IFT74: variants seen among roughly 807,000 people sequenced by gnomAD.
IFT74 encodes intraflagellar transport protein 74 homolog.
Under a neutral mutation model 96.7 loss-of-function variants are expected in IFT74, and 92 were observed. That is an observed-to-expected ratio of 0.95 (90% CI 0.80 to 1.13). The LOEUF is 1.13. Ranked by LOEUF, IFT74 falls within the 50% of genes most tolerant of loss-of-function variation. The pLI is 0.00. For synonymous variants in IFT74, 223 were observed against 213.2 expected, an observed-to-expected ratio of 1.05 and a Z score of -0.40; for missense variants, 811 against 698.2, an observed-to-expected ratio of 1.16 and a Z score of -1.82.
chr9:27,018,098 T>C (rs1312877585), intron 11 of IFT74, among the ~76,000 whole-genome samples: 1 of 152,200 alleles, frequency 6.6e-6, no homozygotes, highest in African/African-American at 2.4e-5. Flanking sequence ...GATCTTGAGG[T>C]ACGCCTACCA....
rs1314257358 is a variant in IFT74, at chr9:27,047,480, T to A, written c.1206+109T>A. 5.7e-5 allele frequency: 34 copies of A among 597,386 alleles called. No individual in the cohort carries two copies. The East Asian group carries it at 1.1e-3, about 19-fold the overall frequency. 37.0% of individuals were successfully genotyped at this position (597,386 alleles called of 1,614,324 possible). A position where few individuals can be genotyped will look rare whatever the true frequency, so the allele number is the denominator to read the frequency against. On this transcript the variant is annotated intron_variant, in intron 15 of 19. Transcript: ENST00000380062. ...TCACTATTGTATCTTCTCATTTAACTGCTTCCTTTCAATTCCCTTACTTGT... is the reference window on the plus strand; with the variant it reads ...TCACTATTGTATCTTCTCATTTAACAGCTTCCTTTCAATTCCCTTACTTGT...
chr9:27,005,424 A>G (rs1046895674), intron 8 of IFT74, among the ~76,000 whole-genome samples: 4 of 127,496 alleles, frequency 3.1e-5, no homozygotes, highest in African/African-American at 9.0e-5. Flanking sequence ...CCCTTTGGCC[A>G]TGTCTCAGGT....
intron 6 of IFT74, among the ~76,000 whole-genome samples, chr9:26,988,084 C>T (rs1827711402): frequency 6.6e-6 from 1 of 152,010 alleles, no homozygotes; most frequent in African/African-American, 2.4e-5. Context: ...TCTCTAGTAG[C>T]TGGGATTACA....
intron 2 of IFT74, among the ~76,000 whole-genome samples, chr9:26,969,282 A>T (rs1055833422): frequency 6.6e-6 from 1 of 151,828 alleles, no homozygotes; most frequent in East Asian, 1.9e-4. Flanking sequence ...TATATTTAGG[A>T]TTGTTGTATC....
chr9:27,011,124 G>T (rs747235721), intron 9 of IFT74, among the ~76,000 whole-genome samples: 1 of 152,110 alleles, frequency 6.6e-6, no homozygotes, highest in South Asian at 2.1e-4. Flanking sequence ...ATGGTAGCAG[G>T]CCCCTGTAAT....
chr9:26,970,680 C>T (rs983596683), intron 2 of IFT74, among the ~76,000 whole-genome samples: 9 of 152,204 alleles, frequency 5.9e-5, no homozygotes, highest in African/African-American at 2.2e-4. Context: ...AAAGATCACT[C>T]GGGTTAACCC....
upstream of IFT74, among the ~76,000 whole-genome samples, chr9:26,952,645 C>T (rs1409315149): frequency 1.3e-5 from 2 of 152,194 alleles, no homozygotes; most frequent in Non-Finnish European, 2.9e-5. Context: ...GTAAAGGATG[C>T]ACATTTTCAA....
intron 12 of IFT74, among the ~76,000 whole-genome samples, chr9:27,021,916 C>G (rs1375600335): frequency 6.6e-6 from 1 of 152,126 alleles, no homozygotes; most frequent in African/African-American, 2.4e-5. Flanking sequence ...ATGCCGATGT[C>G]TAGAAGAGTT....
intron 2 of IFT74, among the ~76,000 whole-genome samples, chr9:26,965,398 T>A (rs1004567621): frequency 7.2e-5 from 11 of 152,104 alleles, no homozygotes; most frequent in Admixed American, 3.9e-4. Flanking sequence ...GGAATAATTT[T>A]GTTAAAGTCA....
chr9:26,947,202 G>C (rs991453122), intron 1 of IFT74: 5 of 847,624 alleles, frequency 5.9e-6, no homozygotes, highest in African/African-American at 3.6e-5. Context: ...AGGGCGGCTG[G>C]GAAGGGGCGC....
chr9:26,957,756 A>G (rs1826177815), intron 1 of IFT74, among the ~76,000 whole-genome samples: 1 of 152,188 alleles, frequency 6.6e-6, no homozygotes, highest in African/African-American at 2.4e-5. Flanking sequence ...CATAGAGTGT[A>G]GAAACAGAGA....
intron 4 of IFT74, among the ~76,000 whole-genome samples, chr9:26,981,165 T>G (rs1049488509): frequency 9.9e-5 from 15 of 152,196 alleles, no homozygotes; most frequent in African/African-American, 3.6e-4. Flanking sequence ...AGTCCCTACC[T>G]CTTAATACTA....
chr9:26,985,668 A>G (rs1324279846), intron 6 of IFT74, among the ~76,000 whole-genome samples: 2 of 152,100 alleles, frequency 1.3e-5, no homozygotes, highest in Non-Finnish European at 2.9e-5. Context: ...TTTTTTGTAA[A>G]ATACGTTTAC....
intron 8 of IFT74, chr9:26,995,493 T>C (rs1354913541): frequency 7.4e-7 from 1 of 1,349,946 alleles, no homozygotes; most frequent in Non-Finnish European, 1.0e-6. Flanking sequence ...CTGATAACTT[T>C]GCTTTAAAAA....
intron 2 of IFT74, among the ~76,000 whole-genome samples, chr9:26,969,176 A>G (rs936457147): frequency 6.6e-5 from 10 of 152,074 alleles, no homozygotes; most frequent in African/African-American, 2.4e-4. Flanking sequence ...CCCACTGGTC[A>G]TTCAGGAACA....
intron 18 of IFT74, among the ~76,000 whole-genome samples, chr9:27,058,531 G>A (rs538590443): frequency 5.9e-4 from 90 of 152,184 alleles, no homozygotes; most frequent in African/African-American, 1.6e-3. Flanking sequence ...GATTGTAGGC[G>A]CCAGCCACCA....
intron 8 of IFT74, among the ~76,000 whole-genome samples, chr9:27,006,584 G>A (rs975502430): frequency 6.7e-6 from 1 of 148,430 alleles, no homozygotes; most frequent in African/African-American, 2.5e-5. Context: ...GTGACAAGTG[G>A]TACCTGTCAA....
At chr9:26,952,467 G>A (rs553781100), upstream of IFT74, among the ~76,000 whole-genome samples, 2 of 151,992 alleles carry the variant, frequency 1.3e-5, no homozygotes, top group South Asian at 2.1e-4. Context: ...AGTAGAGACG[G>A]GGTTTCACCA....
intron 12 of IFT74, among the ~76,000 whole-genome samples, chr9:27,028,288 G>C (rs1829966703): frequency 6.6e-6 from 1 of 151,986 alleles, no homozygotes. Context: ...TCTCATTTTT[G>C]AGACTAATTT....
Sources: allele counts gnomAD v4.1 joint callset (sites outside exome capture counted in the v4.1 genomes callset), GRCh38; gene constraint gnomAD v4.1.1; transcripts MANE v1.5; gene names NCBI Gene and HGNC (gene_info 2026-07-23, HGNC 2026-07-21).